Variants in FGF13 observed in about 807,000 individuals in gnomAD.
The protein encoded by FGF13 is fibroblast growth factor 13.
A neutral mutation model predicts 19.5 loss-of-function variants in FGF13; 2 were observed. The ratio of observed to expected loss-of-function variants is 0.10; its 90% CI spans 0.04 to 0.32. FGF13 has a LOEUF of 0.32. FGF13 is among the 10% of genes least tolerant of loss of function. The pLI is 1.00. For synonymous variants in FGF13, 72 were observed against 76.9 expected (o/e 0.94, Z 0.33); for missense variants, 113 against 192.7 (o/e 0.59, Z 2.45).
intron 1 of FGF13, among the ~76,000 whole-genome samples, chrX:139,106,252 C>A (rs2083559290): frequency 1.8e-5 from 2 of 112,314 alleles, no homozygotes. Context: ...CAGAGGCAGT[C>A]AAGATTGATT....
chrX:139,173,544 C>T (rs1357546304), intron 1 of FGF13, among the ~76,000 whole-genome samples: 2 of 110,305 alleles, frequency 1.8e-5, no homozygotes, highest in Non-Finnish European at 1.9e-5. Context: ...TAATGCTATC[C>T]GTCCCCTAGT....
chrX:138,869,735 G>A (rs994278430), intron 1 of FGF13, among the ~76,000 whole-genome samples: 2 of 112,157 alleles, frequency 1.8e-5, no homozygotes, highest in Non-Finnish European at 3.8e-5. Context: ...TCTCAATTAC[G>A]ATAGTTGAAA....
chrX:138,789,480 C>T (rs1262632508), intron 3 of FGF13, among the ~76,000 whole-genome samples: 1 of 109,642 alleles, frequency 9.1e-6, no homozygotes, highest in Non-Finnish European at 1.9e-5. Flanking sequence ...GCGCCCAGCC[C>T]AGGATTATTT....
intron 1 of FGF13, among the ~76,000 whole-genome samples, chrX:138,727,837 T>C (rs1424523689): frequency 8.9e-6 from 1 of 111,926 alleles, no homozygotes; most frequent in African/African-American, 3.2e-5. Flanking sequence ...TGCAATTTCA[T>C]GCTTTCATCT....
chrX:138,891,623 G>A (rs747579183), intron 1 of FGF13, among the ~76,000 whole-genome samples: 1 of 111,455 alleles, frequency 9.0e-6, no homozygotes, highest in African/African-American at 3.3e-5. Flanking sequence ...TTAATTCTGC[G>A]TGTCAACTTG....
chrX:138,981,211 T>C (rs1346177791), intron 1 of FGF13, among the ~76,000 whole-genome samples: 2 of 109,021 alleles, frequency 1.8e-5, no homozygotes, highest in Non-Finnish European at 3.8e-5. Flanking sequence ...GAGCAAAAAA[T>C]AGAGGAAAAG....
chrX:138,709,512 A>T (rs546477183), intron 1 of FGF13, among the ~76,000 whole-genome samples: 4 of 112,218 alleles, frequency 3.6e-5, no homozygotes, highest in South Asian at 3.7e-4. Flanking sequence ...ACCATTAACA[A>T]ATCTTGTCAT....
intron 1 of FGF13, among the ~76,000 whole-genome samples, chrX:138,720,710 A>T (rs1984318875): frequency 9.0e-6 from 1 of 111,630 alleles, no homozygotes; most frequent in African/African-American, 3.3e-5. Context: ...AAAACCTGTC[A>T]CTGAAGATGA....
Position 138,915,682 on chromosome X carries a change from T to A in FGF13, c.-112-51032A>T, listed in dbSNP as rs752876737. Among the ~76,000 whole-genome samples, 5 of 111,788 alleles carry A rather than the reference T, an allele frequency of 4.5e-5. No homozygotes were observed. The East Asian group carries it at 1.4e-3, about 32-fold the overall frequency. On this transcript the variant is annotated intron_variant, in intron 1 of 2. Coordinates refer to the FGF13 transcript ENST00000421460. ...AGAGTTCAGGCTGACGGGTCCATGG[T>A]CTTCTCTTCATCATTGTCACCAATT...
intron 1 of FGF13, among the ~76,000 whole-genome samples, chrX:138,899,199 T>TG (rs2091519137): frequency 9.0e-6 from 1 of 111,528 alleles, no homozygotes; most frequent in East Asian, 2.8e-4. Flanking sequence ...TTGTGTTTTT[T>TG]GGGGGGGTTG....
At chrX:138,654,282 T>A (rs2089409842) in intron 3 of FGF13, among the ~76,000 whole-genome samples, 1 of 112,530 alleles carries the variant, frequency 8.9e-6, no homozygotes, top group Admixed American at 9.4e-5. Flanking sequence ...TGGCAGTATT[T>A]TAGAATGTTT....
chrX:138,976,506 A>C (rs1453676739), intron 1 of FGF13, among the ~76,000 whole-genome samples: 1 of 111,318 alleles, frequency 9.0e-6, no homozygotes, highest in African/African-American at 3.3e-5. Context: ...TGAGCATACA[A>C]AGGCATACAG....
At chrX:138,681,038 G>C (rs1602693460) in intron 3 of FGF13, among the ~76,000 whole-genome samples, 1 of 109,205 alleles carries the variant, frequency 9.2e-6, no homozygotes, top group Non-Finnish European at 1.9e-5. Flanking sequence ...GCCTGGCGTG[G>C]TGGCAGGCAC....
chrX:138,796,896 T>C lies in FGF13; in HGVS notation c.217+60616A>G, dbSNP rs1482988156. Among the ~76,000 whole-genome samples the C allele has an allele frequency of 2.7e-5, 3 of 112,196 alleles. No homozygotes were observed. The East Asian group carries it at 8.5e-4, about 32-fold the overall frequency. On this transcript the variant is annotated intron_variant, in intron 3 of 6. Coordinates refer to the FGF13 transcript ENST00000436198. ...CTGTTCATTTACGTTGCCCCCTTTA[T>C]GATGGGGTTGTTTTTTTCTTGTAAA...
At chrX:139,156,663 T>C (rs1020820888) in intron 1 of FGF13, among the ~76,000 whole-genome samples, 1 of 112,014 alleles carries the variant, frequency 8.9e-6, no homozygotes, top group Non-Finnish European at 1.9e-5. Context: ...GAGCTTATGA[T>C]AGTATTTATT....
At chrX:138,821,429 A>G (rs1184936499) in intron 3 of FGF13, among the ~76,000 whole-genome samples, 2 of 112,034 alleles carry the variant, frequency 1.8e-5, no homozygotes, top group Non-Finnish European at 3.8e-5. Flanking sequence ...GGCAATGTCA[A>G]TCTACTTTTT....
chrX:139,196,482 C>CAAA (rs1217111974), intron 1 of FGF13, among the ~76,000 whole-genome samples: 1 of 111,538 alleles, frequency 9.0e-6, no homozygotes. Context: ...AAAAGTCACT[C>CAAA]AAAAAATGTT....
intron 3 of FGF13, among the ~76,000 whole-genome samples, chrX:138,792,300 A>G (rs1278528869): frequency 8.9e-6 from 1 of 112,401 alleles, no homozygotes; most frequent in Non-Finnish European, 1.9e-5. Flanking sequence ...TCTTCAAGTT[A>G]TTACGCCTAT....
intron 3 of FGF13, among the ~76,000 whole-genome samples, chrX:138,846,363 G>C (rs1157771361): frequency 9.0e-6 from 1 of 111,215 alleles, no homozygotes; most frequent in Non-Finnish European, 1.9e-5. Context: ...GCTCAACTGA[G>C]ACAGCTCCTG....
Sources: gnomAD v4.1 joint callset for allele counts (sites outside exome capture counted in the v4.1 genomes callset) on GRCh38, gnomAD v4.1.1 for gene constraint, MANE v1.5 for transcripts, NCBI Gene and HGNC (gene_info 2026-07-23, HGNC 2026-07-21) for gene names.